The following SH2D4A variants were observed in gnomAD, a reference collection of about 807,000 sequenced individuals.
SH2D4A encodes SH2 domain containing 4A.
Under a neutral mutation model 64.7 loss-of-function variants are expected in SH2D4A, and 70 were observed. The ratio of observed to expected loss-of-function variants is 1.08; its 90% CI spans 0.89 to 1.32. The LOEUF (loss-of-function observed/expected upper bound fraction) is 1.32. Ranked by LOEUF, SH2D4A falls within the 40% of genes most tolerant of loss-of-function variation. The pLI, the probability that SH2D4A is intolerant of heterozygous loss-of-function variation, is 0.00. For synonymous variants in SH2D4A, 268 were observed against 200.7 expected (o/e 1.34, Z -2.83); for missense variants, 706 against 540.1 (o/e 1.31, Z -3.04).
At chr8:19,348,570 T>G (rs1273319921) in intron 4 of SH2D4A, among the ~76,000 whole-genome samples, 1 of 152,180 alleles carries the variant, frequency 6.6e-6, no homozygotes, top group Non-Finnish European at 1.5e-5. Flanking sequence ...TCTGTAAAAC[T>G]GGACTTCAGT....
At chr8:19,339,379 C>G (rs1012714371) in intron 4 of SH2D4A, among the ~76,000 whole-genome samples, 5 of 152,134 alleles carry the variant, frequency 3.3e-5, no homozygotes, top group African/African-American at 1.2e-4. Flanking sequence ...TTCAGTCCAT[C>G]AAGTTGACAC....
chr8:19,350,371 T>A (rs1585169318), intron 4 of SH2D4A, among the ~76,000 whole-genome samples: 1 of 152,236 alleles, frequency 6.6e-6, no homozygotes, highest in Non-Finnish European at 1.5e-5. Flanking sequence ...TAGGGGATGG[T>A]GCAATAGGAG....
At chr8:19,369,867 T>A (rs954107301) in intron 7 of SH2D4A, among the ~76,000 whole-genome samples, 16 of 146,932 alleles carry the variant, frequency 1.1e-4, no homozygotes, top group Admixed American at 4.6e-4. Context: ...TTGCATCAAG[T>A]TCTTGTTTTT....
rs942861669 is a variant in SH2D4A, at chr8:19,395,630, A to T, written c.*988A>T. The T allele has an allele frequency of 1.3e-5, 2 of 152,310 alleles. No individual in the cohort carries two copies. Among genetic ancestry groups the T allele is most frequent in the Non-Finnish European group, 2.9e-5 (2 of 68,144 alleles). 9.4% of individuals were successfully genotyped at this position (152,310 alleles called of 1,614,324 possible). A position where few individuals can be genotyped will look rare whatever the true frequency, so the allele number is the denominator to read the frequency against. ...GCAGTGGGAAGAAGACCAGGGGACA[A>T]GAGGCAAGTTGGAGTGATGCAGCCG... On this transcript the variant is annotated 3_prime_UTR_variant, in exon 10 of 10. Transcript: ENST00000265807.
rs57165597 is a variant in SH2D4A, at chr8:19,341,861, A to AT, written c.513+7004_513+7005insT. On this transcript the variant is annotated intron_variant, in intron 4 of 9. Coordinates refer to ENST00000265807, the MANE Select transcript of SH2D4A (RefSeq NM_022071.4). The stretch of plus-strand genomic sequence containing the variant: ...TGTCTTAACAAAAAAAAAAAAAAAA[A>AT]GATCATCACGAGAAACTGTGCCCCA... Among the ~76,000 whole-genome samples, 5 of 151,504 alleles carry AT rather than the reference A, an allele frequency of 3.3e-5. No individual in the cohort carries two copies. In the East Asian group the frequency reaches 9.6e-4, roughly 29 times the overall value.
At chr8:19,363,752 G>A in intron 6 of SH2D4A, 1 of 370,550 alleles carries the variant, frequency 2.7e-6, no homozygotes, top group South Asian at 2.7e-5. Flanking sequence ...TGCTCAGGCG[G>A]GGGATCCTCA....
chr8:19,382,820 A>G (rs1453657385), intron 8 of SH2D4A, among the ~76,000 whole-genome samples: 5 of 85,910 alleles, frequency 5.8e-5, no homozygotes, highest in Non-Finnish European at 1.2e-4. Context: ...TGCTTTTAAG[A>G]TTCTTTTTTT....
At chr8:19,364,586 C>A (rs1227853263) in intron 7 of SH2D4A, among the ~76,000 whole-genome samples, 2 of 151,226 alleles carry the variant, frequency 1.3e-5, no homozygotes, top group Non-Finnish European at 3.0e-5. Context: ...CCCTCCCCCG[C>A]CCCCCTCCCC....
chr8:19,331,803 C>G (rs2052368693), intron 2 of SH2D4A, among the ~76,000 whole-genome samples: 1 of 152,156 alleles, frequency 6.6e-6, no homozygotes, highest in African/African-American at 2.4e-5. Context: ...TCCCATTTTG[C>G]AGATGAGGAA....
At chr8:19,385,739 A>G (rs552244734) in intron 8 of SH2D4A, among the ~76,000 whole-genome samples, 2 of 152,202 alleles carry the variant, frequency 1.3e-5, no homozygotes, top group Non-Finnish European at 2.9e-5. Flanking sequence ...ATGTCACTGA[A>G]TAGGTTGCAT....
chr8:19,348,499 G>T (rs17128244), intron 4 of SH2D4A, among the ~76,000 whole-genome samples: 34,893 of 152,000 alleles, frequency 0.23, 4,489 homozygotes, highest in Middle Eastern at 0.34. Flanking sequence ...TAAATTTTCC[G>T]TCTTCTATAC....
At chr8:19,371,961 G>A (rs1355497839) in intron 7 of SH2D4A, among the ~76,000 whole-genome samples, 1 of 152,022 alleles carries the variant, frequency 6.6e-6, no homozygotes. Context: ...AGTTTGTTGA[G>A]CTTTCTTAAA....
At chr8:19,354,905 C>T (rs955892013) in intron 4 of SH2D4A, among the ~76,000 whole-genome samples, 4 of 152,188 alleles carry the variant, frequency 2.6e-5, no homozygotes, top group Non-Finnish European at 4.4e-5. Context: ...AGACTAAGGA[C>T]AGCAAATGTG....
At position 19,393,433 on chromosome 8, in the gene SH2D4A, G is replaced by A; in HGVS notation, c.1164G>A (p.Glu388=). 6.2e-7 allele frequency: 1 copy of A among 1,614,236 alleles called. No individual in the cohort carries two copies. ...GCTATGCCCTGTCCTATCTGTCGGA[G>A]GACGGCTGTAAACATTTCCTCATCG... ...IKGYALSYLS[E]DGCKHFLIDA... is the part of the protein sequence containing the mutation. The change falls in exon 9 of 10, where the codon GAG becomes GAA. Residue 388 remains glutamate, a synonymous_variant. Coordinates refer to ENST00000265807, the MANE Select transcript of SH2D4A (RefSeq NM_022071.4).
intron 4 of SH2D4A, among the ~76,000 whole-genome samples, chr8:19,348,244 T>C (rs956771638): frequency 3.3e-5 from 5 of 152,234 alleles, no homozygotes; most frequent in African/African-American, 1.2e-4. Context: ...TACAGATGCA[T>C]GCTCCCATGC....
chr8:19,354,963 CT>C (rs1394890445), intron 4 of SH2D4A, among the ~76,000 whole-genome samples: 4 of 152,202 alleles, frequency 2.6e-5, no homozygotes, highest in Admixed American at 2.0e-4. Flanking sequence ...AAGTCCAGAT[CT>C]GTCTGATTCT....
In SH2D4A at chr8:19,393,230, G is replaced by A. The variant is rs2053522817; in HGVS notation, c.1049-88G>A. 5.0e-6 allele frequency: 6 copies of A among 1,206,698 alleles called. No homozygotes were observed. In the Admixed American group the frequency reaches 1.0e-4, roughly 21 times the overall value. The allele number at this position is 1,206,698 out of a possible 1,614,324, so 74.7% of individuals were successfully genotyped here. On this transcript the variant is annotated intron_variant, in intron 8 of 9. Coordinates refer to ENST00000265807, the MANE Select transcript of SH2D4A (RefSeq NM_022071.4). ...TATTGTGTCTTATTTAGGCGTCATTGACTCTATATCCATGCAGCTGGATTT... is the reference window on the plus strand; with the variant it reads ...TATTGTGTCTTATTTAGGCGTCATTAACTCTATATCCATGCAGCTGGATTT...
chr8:19,376,756 A>C (rs969896137), intron 8 of SH2D4A, among the ~76,000 whole-genome samples: 1 of 152,282 alleles, frequency 6.6e-6, no homozygotes, highest in Non-Finnish European at 1.5e-5. Context: ...CATGAAGGCA[A>C]CTTTCTTGGT....
chr8:19,374,091 C>A (rs543506234), intron 8 of SH2D4A, among the ~76,000 whole-genome samples: 1 of 152,194 alleles, frequency 6.6e-6, no homozygotes, highest in South Asian at 2.1e-4. Flanking sequence ...CGTAGGAAAT[C>A]AATTTAAGCC....
Sources: allele counts gnomAD v4.1 joint callset (sites outside exome capture counted in the v4.1 genomes callset), GRCh38; gene constraint gnomAD v4.1.1; transcripts MANE v1.5; gene names NCBI Gene and HGNC (gene_info 2026-07-23, HGNC 2026-07-21).